Variants in SLC35F2 observed in about 807,000 individuals in gnomAD.
SLC35F2 encodes the protein queuine/queuosine transporter SLC35F2.
A neutral mutation model predicts 38.1 loss-of-function variants in SLC35F2; 25 were observed. That is an observed-to-expected ratio of 0.66 (90% CI 0.48 to 0.92). SLC35F2 has a LOEUF of 0.92. Ranked by LOEUF, SLC35F2 falls within the 40% of genes least tolerant of loss-of-function variation. The pLI is 0.00. For missense variants in SLC35F2, 409 were observed against 452.9 expected, an observed-to-expected ratio of 0.90 and a Z score of 0.88; for synonymous variants, 173 against 181.7, an observed-to-expected ratio of 0.95 and a Z score of 0.38.
chr11:107,846,591 G>A (rs1379069399), intron 1 of SLC35F2, among the ~76,000 whole-genome samples: 1 of 152,184 alleles, frequency 6.6e-6, no homozygotes, highest in Admixed American at 6.6e-5. Context: ...TGAATTAGCA[G>A]AAGTTAACAA....
rs780744909 is a variant in SLC35F2, at chr11:107,843,846, T to TAA, written c.110+14810_110+14811dup. Among the ~76,000 whole-genome samples the TAA allele has an allele frequency of 1.7e-3, 77 of 45,190 alleles. 1 individual carries two copies. The highest frequency in any genetic ancestry group is 7.0e-3 in the African/African-American group (61 of 8,694). 29.6% of individuals were successfully genotyped at this position (45,190 alleles called of 152,430 possible). A position where few individuals can be genotyped will look rare whatever the true frequency, so the allele number is the denominator to read the frequency against. On this transcript the variant is annotated intron_variant, in intron 1 of 7. Coordinates refer to ENST00000525815, the MANE Select transcript of SLC35F2 (RefSeq NM_017515.5). ...GGTGACAAAGTGAGACTCTGTATCT[T>TAA]AAAAAAAAAAAAAAAAAAAAAAATA...
At chr11:107,819,111 C>CA (rs1236593972) in intron 1 of SLC35F2, among the ~76,000 whole-genome samples, 1 of 152,172 alleles carries the variant, frequency 6.6e-6, no homozygotes, top group Non-Finnish European at 1.5e-5. Flanking sequence ...GCAGGAAACT[C>CA]AGAGTGTCCT....
chr11:107,852,969 A>G (rs1860212020), intron 1 of SLC35F2, among the ~76,000 whole-genome samples: 1 of 151,822 alleles, frequency 6.6e-6, no homozygotes, highest in Non-Finnish European at 1.5e-5. Context: ...GCTTGAACTC[A>G]GGAGATCATG....
intron 6 of SLC35F2, among the ~76,000 whole-genome samples, 199 bp downstream of exon 6, chr11:107,804,519 G>A (rs1859364695): frequency 6.6e-6 from 1 of 152,184 alleles, no homozygotes; most frequent in Admixed American, 6.5e-5. Context: ...TGCAGGTAAA[G>A]ATTAAGAATT....
Position 107,815,389 on chromosome 11 carries a change from T to TAA in SLC35F2, c.286+399_286+400dup, listed in dbSNP as rs1555083773. The stretch of plus-strand genomic sequence containing the variant: ...ACATGGCAAAAACCCATCTCTAAAA[T>TAA]AAAAAAAAAAAAAAAAAATTAGCCA... On this transcript the variant is annotated intron_variant, in intron 2 of 7. Transcript: ENST00000525815. Among the ~76,000 whole-genome samples the TAA allele has an allele frequency of 1.5e-3, 144 of 95,396 alleles. 1 individual carries two copies. Among genetic ancestry groups the TAA allele is most frequent in the African/African-American group, 4.7e-3 (131 of 27,626 alleles). 62.6% of individuals were successfully genotyped at this position (95,396 alleles called of 152,430 possible).
intron 7 of SLC35F2, among the ~76,000 whole-genome samples, chr11:107,802,463 T>G (rs1000930925): frequency 1.1e-4 from 17 of 152,144 alleles, no homozygotes; most frequent in African/African-American, 3.9e-4. Flanking sequence ...CGCTTGTAAA[T>G]GCTGTGATGA....
chr11:107,797,713 A>C (rs1859242761), intron 7 of SLC35F2, among the ~76,000 whole-genome samples: 1 of 152,188 alleles, frequency 6.6e-6, no homozygotes, highest in African/African-American at 2.4e-5. Flanking sequence ...TTAAACCTTA[A>C]GAATTCCTTA....
intron 1 of SLC35F2, among the ~76,000 whole-genome samples, chr11:107,830,654 T>A (rs1259199790): frequency 2.7e-5 from 4 of 150,368 alleles, no homozygotes; most frequent in African/African-American, 4.9e-5. Context: ...TCCCATAAAA[T>A]TTTTTTTAAG....
chr11:107,820,229 T>C (rs1270152600), intron 1 of SLC35F2, among the ~76,000 whole-genome samples: 1 of 147,430 alleles, frequency 6.8e-6, no homozygotes, highest in African/African-American at 2.5e-5. Flanking sequence ...CACTCCAGCC[T>C]GGGCAAAAGA....
chr11:107,845,018 C>T (rs567999794), intron 1 of SLC35F2, among the ~76,000 whole-genome samples: 156 of 151,912 alleles, frequency 1.0e-3, no homozygotes, highest in African/African-American at 3.6e-3. Context: ...TTAATTCACC[C>T]TGAGATCCCA....
intron 4 of SLC35F2, among the ~76,000 whole-genome samples, chr11:107,806,164 A>G (rs1260895431): frequency 6.6e-6 from 1 of 152,208 alleles, no homozygotes; most frequent in Non-Finnish European, 1.5e-5. Context: ...TTAACTCCTC[A>G]GAAGTCTAAC....
At chr11:107,823,076 C>T (rs1859700581) in intron 1 of SLC35F2, 2 of 863,898 alleles carry the variant, frequency 2.3e-6, no homozygotes, top group Non-Finnish European at 1.4e-6. Flanking sequence ...ATAGGCAGTC[C>T]TCTACTGATT....
At chr11:107,851,560 T>C (rs770757911) in intron 1 of SLC35F2, among the ~76,000 whole-genome samples, 1 of 146,160 alleles carries the variant, frequency 6.8e-6, no homozygotes, top group Non-Finnish European at 1.5e-5. Context: ...CACAAACATA[T>C]AATGCAGAGT....
intron 5 of SLC35F2, chr11:107,805,013 T>A: frequency 1.0e-6 from 1 of 979,132 alleles, no homozygotes; most frequent in Non-Finnish European, 1.2e-6. Flanking sequence ...GAGGAAAATA[T>A]GATATTATGC....
chr11:107,798,834 G>C (rs1478262976), intron 7 of SLC35F2, among the ~76,000 whole-genome samples: 1 of 152,218 alleles, frequency 6.6e-6, no homozygotes, highest in Non-Finnish European at 1.5e-5. Context: ...CCAGCACTTT[G>C]GGAGGCAGAG....
chr11:107,834,041 C>T (rs1859891613), intron 1 of SLC35F2, among the ~76,000 whole-genome samples: 1 of 152,154 alleles, frequency 6.6e-6, no homozygotes, highest in Non-Finnish European at 1.5e-5. Flanking sequence ...TGTGTAAAAT[C>T]CTGGGAACTT....
intron 1 of SLC35F2, among the ~76,000 whole-genome samples, chr11:107,836,764 G>C (rs749700149): frequency 1.3e-5 from 2 of 152,208 alleles, no homozygotes; most frequent in Non-Finnish European, 2.9e-5. Flanking sequence ...CTACAGAACA[G>C]TAAGATATTA....
At chr11:107,810,326 G>C (rs1343855959) in intron 3 of SLC35F2, 2 of 985,084 alleles carry the variant, frequency 2.0e-6, no homozygotes, top group Non-Finnish European at 2.4e-6. Flanking sequence ...AACTTCAGTC[G>C]CAACTATCCA....
At chr11:107,812,247 T>A (rs983334056) in intron 2 of SLC35F2, among the ~76,000 whole-genome samples, 7 of 152,098 alleles carry the variant, frequency 4.6e-5, no homozygotes, top group Non-Finnish European at 8.8e-5. Flanking sequence ...TTTCCATTCT[T>A]CATAACCCAA....
Sources: allele counts gnomAD v4.1 joint callset (sites outside exome capture counted in the v4.1 genomes callset), GRCh38; gene constraint gnomAD v4.1.1; transcripts MANE v1.5; gene names NCBI Gene and HGNC (gene_info 2026-07-23, HGNC 2026-07-21).